WDR46: variants seen among roughly 807,000 people sequenced by gnomAD.
WDR46 encodes the protein WD repeat-containing protein 46.
Under a neutral mutation model 74.7 loss-of-function variants are expected in WDR46, and 58 were observed. That is an observed-to-expected ratio of 0.78 (90% CI 0.63 to 0.97). WDR46 has a LOEUF of 0.97. WDR46 is among the 50% of genes least tolerant of loss of function. The probability of loss-of-function intolerance (pLI) is 0.00; values close to 1 mark genes in which losing one functional copy is unlikely to be tolerated. For synonymous variants in WDR46, 278 were observed against 297.3 expected, an observed-to-expected ratio of 0.93 and a Z score of 0.67; for missense variants, 702 against 790.1, an observed-to-expected ratio of 0.89 and a Z score of 1.34.
intron 6 of WDR46, 97 bp downstream of exon 6, chr6:33,287,868 A>G (rs1766817872): frequency 6.5e-7 from 1 of 1,534,796 alleles, no homozygotes; most frequent in South Asian, 1.1e-5. Context: ...AAATCGAAGG[A>G]CCCTCCCCTC....
rs1278924753 is a variant in WDR46 at position 33,289,151 on chromosome 6, G to A, written c.20C>T (p.Pro7Leu). 6.2e-7 allele frequency: 1 copy of A among 1,612,694 alleles called. No individual in the cohort carries two copies. The highest frequency in any genetic ancestry group is 8.5e-7 in the Non-Finnish European group (1 of 1,179,330). ...TTTCTTGGGCGGGACATCCTTGCCC[G>A]GCTTGGGGGCTGTCTCCATCTCGCC... METAPK[P>L]GKDVPPKKDK... Residue 7 changes from proline to leucine, a missense_variant, in exon 1 of 15, where the codon CCG becomes CTG. By Grantham distance (98) the Pro-to-Leu change is moderately conservative (BLOSUM62 -3). Coordinates refer to ENST00000374617, the MANE Select transcript of WDR46 (RefSeq NM_005452.6).
rs778783637 is a variant in WDR46, at chr6:33,288,598, T to C, written c.360+16A>G. On this transcript the variant is annotated intron_variant, in intron 3 of 14. Transcript: ENST00000374617. ...CCCTGCCTCCAGCACTTCCCAACTC[T>C]CCGGCTGGACCTCACCTTTCGGGAT... 5.6e-6 allele frequency: 9 copies of C among 1,611,292 alleles called. No homozygotes were observed. The highest frequency in any genetic ancestry group is 7.6e-6 in the Non-Finnish European group (9 of 1,178,844).
At chr6:33,287,535 G>A (rs760235289) in intron 7 of WDR46, 30 bp from the exon 8 acceptor site, 14 of 1,613,450 alleles carry the variant, frequency 8.7e-6, no homozygotes, top group Non-Finnish European at 1.2e-5. Flanking sequence ...GTTCAATTGG[G>A]AAATGAGGTC....
chr6:33,287,320 C>T (rs1313164952), intron 8 of WDR46, 35 bp downstream of exon 8: 1 of 1,612,852 alleles, frequency 6.2e-7, no homozygotes, highest in Admixed American at 1.7e-5. Context: ...ATCCCAAGGG[C>T]TTCCAACCAG....
Position 33,287,509 on chromosome 6 carries a change from G to C in WDR46, c.729-4C>G, listed in dbSNP as rs540960448. On this transcript the variant is annotated splice_region_variant and splice_polypyrimidine_tract_variant and intron_variant, in intron 7 of 14. Transcript: ENST00000374617. ...CAGTGCCTCAGAATGGAGAAACCTG[G>C]GGGAGAGGAAGAGTGGTTCAATTGG... 1 of 1,613,434 alleles carries C rather than the reference G, an allele frequency of 6.2e-7. No homozygotes were observed. Among genetic ancestry groups the C allele is most frequent in the African/African-American group, 1.3e-5 (1 of 74,806 alleles).
Position 33,279,387 on chromosome 6 carries a change from G to A in WDR46, c.1735-13C>T. 1 of 1,613,238 alleles carries A rather than the reference G, an allele frequency of 6.2e-7. No homozygotes were observed. The highest frequency in any genetic ancestry group is 8.5e-7 in the Non-Finnish European group (1 of 1,180,042). On this transcript the variant is annotated splice_polypyrimidine_tract_variant and intron_variant, in intron 14 of 14. Transcript: ENST00000374617. Reference sequence around the variant, plus strand: ...GCCGGACCTTGTCCTGGGGACCGGAGACGGGGAGGACACAGGCACAGAGTG... The same window carrying A: ...GCCGGACCTTGTCCTGGGGACCGGAAACGGGGAGGACACAGGCACAGAGTG...
At chr6:33,287,809 C>T in intron 6 of WDR46, 91 bp from the exon 7 acceptor site, 1 of 1,538,102 alleles carries the variant, frequency 6.5e-7, no homozygotes, top group Admixed American at 1.7e-5. Context: ...CCCATCTCTC[C>T]AGGCGGGCAG....
intron 10 of WDR46, among the ~76,000 whole-genome samples, chr6:33,283,255 G>T (rs561614633): frequency 3.3e-5 from 5 of 152,154 alleles, no homozygotes; most frequent in Middle Eastern, 6.8e-3. Context: ...GGGTGGTGGG[G>T]GGGGTGGTCC....
chr6:33,288,919 G>T lies in WDR46; in HGVS notation c.164C>A (p.Pro55His). 8 of 1,614,064 alleles carry T rather than the reference G, an allele frequency of 5.0e-6. No homozygotes were observed. The highest frequency in any genetic ancestry group is 6.8e-6 in the Non-Finnish European group (8 of 1,180,012). The part of the protein sequence containing the change: ...PRNKKNRELR[P>H]QRPKNAYILK... ...GATGTAAGCATTTTTTGGTCTCTGA[G>T]GACGGAGCTCCCGATTCTTCTTGTT... The change falls in exon 2 of 15, where the codon CCT becomes CAT. Residue 55 changes from proline to histidine, a missense_variant. Physicochemically the swap from Pro to His is moderately conservative, Grantham distance 77 (BLOSUM62 -2). Coordinates refer to ENST00000374617, the MANE Select transcript of WDR46 (RefSeq NM_005452.6).
chr6:33,283,514 A>G lies in WDR46; in HGVS notation c.1116-2527T>C, dbSNP rs28724909. Among the ~76,000 whole-genome samples the G allele has an allele frequency of 2.9e-4, 44 of 152,186 alleles. 1 individual carries two copies. On this transcript the variant is annotated intron_variant, in intron 10 of 14. Transcript: ENST00000374617. The stretch of plus-strand genomic sequence containing the variant: ...TGACAGGAAAATTCTGGGAGATGAG[A>G]GCAGGTCAAGAGAAACTTTAGGAGG...
rs574969964 is a variant in WDR46 at position 33,280,529 on chromosome 6, G to T, written c.1430-7C>A. The T allele has an allele frequency of 6.2e-7, 1 of 1,600,130 alleles. No homozygotes were observed. Among genetic ancestry groups the T allele is most frequent in the South Asian group, 1.1e-5 (1 of 89,164 alleles). On this transcript the variant is annotated splice_region_variant and splice_polypyrimidine_tract_variant and intron_variant, in intron 11 of 14. Coordinates refer to ENST00000374617, the MANE Select transcript of WDR46 (RefSeq NM_005452.6). Reference sequence around the variant, plus strand: ...AAGTTGGGCTCACCGGCCCCTGAAGGGAGGGAGGGAGAAGCATGGAGCCAT... The same window carrying T: ...AAGTTGGGCTCACCGGCCCCTGAAGTGAGGGAGGGAGAAGCATGGAGCCAT...
At chr6:33,283,043 T>C (rs567677665) in intron 10 of WDR46, among the ~76,000 whole-genome samples, 1 of 152,154 alleles carries the variant, frequency 6.6e-6, no homozygotes, top group African/African-American at 2.4e-5. Flanking sequence ...ATTCCATCTG[T>C]ACTACAAATA....
chr6:33,279,690 C>A, intron 13 of WDR46, 74 bp downstream of exon 13: 1 of 1,612,582 alleles, frequency 6.2e-7, no homozygotes, highest in African/African-American at 1.3e-5. Flanking sequence ...GGCCGCACTT[C>A]TGGGGACAAG....
chr6:33,280,438 A>T lies in WDR46; in HGVS notation c.1514T>A (p.Leu505Gln). ...GCAGGGGAGCCTCACCTTCTCTAGCAGGGCCTTCACCTCCCACTCCTGGCG... is the reference window on the plus strand; with the variant it reads ...GCAGGGGAGCCTCACCTTCTCTAGCTGGGCCTTCACCTCCCACTCCTGGCG... ...KQRQEWEVKA[L>Q]LEKVPAELIC... Residue 505 changes from leucine to glutamine, a missense_variant, in exon 12 of 15, where the codon CTG (leucine) becomes CAG (glutamine). Leu to Gln is a moderately radical substitution (Grantham distance 113). Transcript: ENST00000374617. 6.3e-7 allele frequency: 1 copy of T among 1,579,492 alleles called. No individual in the cohort carries two copies. Among genetic ancestry groups the T allele is most frequent in the Non-Finnish European group, 8.6e-7 (1 of 1,160,986 alleles).
intron 10 of WDR46, among the ~76,000 whole-genome samples, chr6:33,284,992 C>T (rs1766490843): frequency 6.6e-6 from 1 of 152,162 alleles, no homozygotes. Flanking sequence ...AAGCACCTCA[C>T]ATATCACCTA....
Position 33,279,590 on chromosome 6 carries a change from C to T in WDR46, c.1641G>A (p.Lys547=), listed in dbSNP as rs1473928721. 1 of 1,614,076 alleles carries T rather than the reference C, an allele frequency of 6.2e-7. No individual in the cohort carries two copies. The highest frequency in any genetic ancestry group is 1.3e-5 in the African/African-American group (1 of 74,936). Reference sequence around the variant, plus strand: ...GCTTTGGCTTTGGCTGGAAGGGAGCCTTAGCCTGCGGGTCATAGCCCTGAG... The same window carrying T: ...GCTTTGGCTTTGGCTGGAAGGGAGCTTTAGCCTGCGGGTCATAGCCCTGAG... ...IERLGYDPQA[K]APFQPKPKQK... Residue 547 remains lysine (K), a synonymous_variant, in exon 14 of 15, where the codon AAG becomes AAA. Coordinates refer to ENST00000374617, the MANE Select transcript of WDR46 (RefSeq NM_005452.6).
Position 33,279,160 on chromosome 6 carries a change from C to G in WDR46, c.*116G>C. 6.9e-7 allele frequency: 1 copy of G among 1,442,194 alleles called. No individual in the cohort carries two copies. The highest frequency in any genetic ancestry group is 9.5e-7 in the Non-Finnish European group (1 of 1,055,338). 89.3% of individuals were successfully genotyped at this position (1,442,194 alleles called of 1,614,324 possible). A position where few individuals can be genotyped will look rare whatever the true frequency, so the allele number is the denominator to read the frequency against. ...CCAACCCACCCCAGGAGACAGCTGT[C>G]CACCCCCAGTTGGGGAAGGGGCCAC... is the stretch of plus-strand genomic sequence containing the variant. On this transcript the variant is annotated 3_prime_UTR_variant, in exon 15 of 15. Coordinates refer to ENST00000374617, the MANE Select transcript of WDR46 (RefSeq NM_005452.6).
At position 33,287,374 on chromosome 6, in the gene WDR46, T is replaced by G; in HGVS notation, c.860A>C (p.His287Pro). The G allele has an allele frequency of 6.2e-7, 1 of 1,611,502 alleles. No individual in the cohort carries two copies. The highest frequency in any genetic ancestry group is 8.5e-7 in the Non-Finnish European group (1 of 1,179,564). ...ACTCACAGCTGTAGCCAGGAGGAAGTGGAAGGGCAGGAACTCAAGCCGTGT... is the reference window on the plus strand; with the variant it reads ...ACTCACAGCTGTAGCCAGGAGGAAGGGGAAGGGCAGGAACTCAAGCCGTGT... ...RVTRLEFLPF[H>P]FLLATASETG... is the part of the protein sequence containing the mutation. Residue 287 changes from histidine to proline, a missense_variant, in exon 8 of 15, where the codon CAC (histidine) becomes CCC (proline). His to Pro is a moderately conservative substitution (Grantham distance 77). Transcript: ENST00000374617.
rs370710495 is a variant in WDR46, at chr6:33,279,751, G to A, written c.1620+13C>T. 6.8e-6 allele frequency: 11 copies of A among 1,613,758 alleles called. No individual in the cohort carries two copies. Among genetic ancestry groups the A allele is most frequent in the African/African-American group, 4.0e-5 (3 of 74,912 alleles). On this transcript the variant is annotated intron_variant, in intron 13 of 14. Coordinates refer to ENST00000374617, the MANE Select transcript of WDR46 (RefSeq NM_005452.6). ...AGAAGACGGGCCTGGGCATTCAGGG[G>A]CCTGCTCCATACCAGCCTCTCTATC...
Sources: allele counts gnomAD v4.1 joint callset (sites outside exome capture counted in the v4.1 genomes callset), GRCh38; gene constraint gnomAD v4.1.1; transcripts MANE v1.5; gene names NCBI Gene and HGNC (gene_info 2026-07-23, HGNC 2026-07-21).